Variants in CHRNA6 observed in about 807,000 individuals in gnomAD.
The protein encoded by CHRNA6 is neuronal acetylcholine receptor subunit alpha-6.
CHRNA6 carries 31 observed loss-of-function variants against 40.9 expected under a neutral mutation model. The ratio of observed to expected loss-of-function variants is 0.76; its 90% CI spans 0.57 to 1.02. The LOEUF (loss-of-function observed/expected upper bound fraction) is 1.02. Among genes scored for constraint, CHRNA6 ranks in the 50% least tolerant of loss-of-function variants. The pLI is 0.00. For synonymous variants in CHRNA6, 222 were observed against 221.3 expected, an observed-to-expected ratio of 1.00 and a Z score of -0.03; for missense variants, 546 against 596.6, an observed-to-expected ratio of 0.92 and a Z score of 0.88.
At chr8:42,759,006 G>T in intron 3 of CHRNA6, 63 bp downstream of exon 3, 3 of 1,201,502 alleles carry the variant, frequency 2.5e-6, no homozygotes, top group Non-Finnish European at 2.5e-6. Flanking sequence ...GATGGAACAA[G>T]GTAGTGCTTG....
At chr8:42,753,335 G>C in intron 5 of CHRNA6, 25 bp from the exon 6 acceptor site, 1 of 1,592,984 alleles carries the variant, frequency 6.3e-7, no homozygotes, top group Admixed American at 1.9e-5. Context: ...AAAATTAAGA[G>C]CTGTTTTAAA....
chr8:42,766,116 G>A lies in CHRNA6; in HGVS notation c.80-912C>T, dbSNP rs1816972190. 1.3e-5 allele frequency among the ~76,000 whole-genome samples: 2 copies of A among 152,192 alleles called. 1 individual carries two copies. The highest frequency in any genetic ancestry group is 1.3e-4 in the Admixed American group (2 of 15,280). On this transcript the variant is annotated intron_variant, in intron 1 of 5. Transcript: ENST00000276410. The stretch of plus-strand genomic sequence containing the variant: ...CATTCTATTATAAAGATACATGCAT[G>A]CGTATGTTCACTGCAGCACTATTCA...
At chr8:42,760,285 A>C (rs1816883157) in intron 2 of CHRNA6, among the ~76,000 whole-genome samples, 1 of 151,616 alleles carries the variant, frequency 6.6e-6, no homozygotes, top group Non-Finnish European at 1.5e-5. Flanking sequence ...ATTCATACAC[A>C]CATGCATATA....
At chr8:42,762,325 C>T (rs1164704904) in intron 2 of CHRNA6, among the ~76,000 whole-genome samples, 2 of 152,204 alleles carry the variant, frequency 1.3e-5, no homozygotes, top group African/African-American at 4.8e-5. Context: ...CTGGAATCAG[C>T]TCAAATGTCC....
rs1035795493 is a variant in CHRNA6, at chr8:42,754,419, C to T, written c.1354-1109G>A. Among the ~76,000 whole-genome samples, 8 of 152,128 alleles carry T rather than the reference C, an allele frequency of 5.3e-5. 1 individual carries two copies. Among genetic ancestry groups the T allele is most frequent in the South Asian group, 4.1e-4 (2 of 4,828 alleles). Reference sequence around the variant, plus strand: ...TCCTGGCCTTACTTAAACAATTCTCCCGTCTTGGCCTCCGAAAGTGCTGCA... The same window carrying T: ...TCCTGGCCTTACTTAAACAATTCTCTCGTCTTGGCCTCCGAAAGTGCTGCA... On this transcript the variant is annotated intron_variant, in intron 5 of 5. Transcript: ENST00000276410.
chr8:42,759,408 G>GT (rs1816862280), intron 2 of CHRNA6: 1 of 298,726 alleles, frequency 3.3e-6, no homozygotes, highest in East Asian at 6.1e-5. Flanking sequence ...AAGGTTTCTA[G>GT]TTCCATGAAA....
Position 42,756,787 on chromosome 8 carries a change from C to A in CHRNA6, c.412G>T (p.Ala138Ser). Reference sequence around the variant, plus strand: ...ATCATGCCATTGTATTTAAGAAGAGCTTTTGTTTTGCCTTCTACTTGGAAG... The same window carrying A: ...ATCATGCCATTGTATTTAAGAAGAGATTTTGTTTTGCCTTCTACTTGGAAG... ...GDFQVEGKTK[A>S]LLKYNGMITW... is the part of the protein sequence containing the mutation. The change falls in exon 5 of 6, where the codon GCT becomes TCT. Residue 138 changes from alanine (A) to serine (S), a missense_variant. Ala to Ser is a moderately conservative substitution (Grantham distance 99). This residue lies in a region of CHRNA6 where 476 missense variants were observed against 494.5 expected (regional missense o/e 0.96). Coordinates refer to ENST00000276410, the MANE Select transcript of CHRNA6 (RefSeq NM_004198.3). 1 of 1,608,170 alleles carries A rather than the reference C, an allele frequency of 6.2e-7. No individual in the cohort carries two copies. Among genetic ancestry groups the A allele is most frequent in the Non-Finnish European group, 8.5e-7 (1 of 1,178,592 alleles).
At chr8:42,761,666 ACT>A (rs1816906879) in intron 2 of CHRNA6, among the ~76,000 whole-genome samples, 1 of 151,816 alleles carries the variant, frequency 6.6e-6, no homozygotes, top group African/African-American at 2.4e-5. Flanking sequence ...GGCAAGTCAT[ACT>A]CTCTCTCCAT....
chr8:42,756,402 G>A lies in CHRNA6; in HGVS notation c.797C>T (p.Ser266Leu), dbSNP rs201295503. 1.4e-5 allele frequency: 23 copies of A among 1,614,192 alleles called. No homozygotes were observed. Among genetic ancestry groups the A allele is most frequent in the South Asian group, 1.1e-4 (10 of 91,086 alleles). The change falls in exon 5 of 6, where the codon TCG becomes TTG. Residue 266 changes from serine to leucine, a missense_variant. This residue lies in a region of CHRNA6 where 476 missense variants were observed against 494.5 expected (regional missense o/e 0.96). Transcript: ENST00000276410. ...AAGCGTCACTTTTTCACCACAGTCC[G>A]AAGGAAGGTAAAAGACCAACACGGT... ...FLTVLVFYLP[S>L]DCGEKVTLCI... is the part of the protein sequence containing the mutation.
rs1277790168 is a variant in CHRNA6, at chr8:42,756,934, T to C, written c.368A>G (p.Tyr123Cys). Residue 123 changes from tyrosine (Y) to cysteine (C), a missense_variant, in exon 4 of 6, where the codon TAT becomes TGT. Coordinates refer to ENST00000276410, the MANE Select transcript of CHRNA6 (RefSeq NM_004198.3). ...DKIWKPDIVL[Y>C]NNAVGDFQVE... Reference sequence around the variant, plus strand: ...GGTGGTCAGAGACCCATACTTGTTATAGAGAACAATGTCGGGCTTCCAAAT... The same window carrying C: ...GGTGGTCAGAGACCCATACTTGTTACAGAGAACAATGTCGGGCTTCCAAAT... 5.6e-6 allele frequency: 9 copies of C among 1,613,428 alleles called. No individual in the cohort carries two copies. In the Admixed American group the frequency reaches 6.7e-5, roughly 12 times the overall value.
Position 42,757,015 on chromosome 8 carries a change from C to A in CHRNA6, c.287G>T (p.Arg96Leu), listed in dbSNP as rs188620180. 74 of 1,611,908 alleles carry A rather than the reference C, an allele frequency of 4.6e-5. No homozygotes were observed. The highest frequency in any genetic ancestry group is 1.7e-4 in the Admixed American group (10 of 59,960). Residue 96 changes from arginine to leucine, a missense_variant, in exon 4 of 6, where the codon CGC becomes CTC. By Grantham distance (102) the Arg-to-Leu change is moderately radical. Transcript: ENST00000276410. Reference sequence around the variant, plus strand: ...GCCATCATATTCCATTGGATCCCAGCGCAATTTATAATCATTCCAGATCTA... The same window carrying A: ...GCCATCATATTCCATTGGATCCCAGAGCAATTTATAATCATTCCAGATCTA... ...LRHIWNDYKL[R>L]WDPMEYDGIE...
chr8:42,756,216 T>C lies in CHRNA6; in HGVS notation c.983A>G (p.His328Arg). 1 of 1,614,212 alleles carries C rather than the reference T, an allele frequency of 6.2e-7. No individual in the cohort carries two copies. The highest frequency in any genetic ancestry group is 8.5e-7 in the Non-Finnish European group (1 of 1,180,044). ...IVVTVFVLNI[H>R]YRTPTTHTMP... ...TGTGTGCGTGGTTGGGGTGCGGTAG[T>C]GTATGTTCAACACAAACACAGTCAC... is the stretch of plus-strand genomic sequence containing the variant. The change falls in exon 5 of 6, where the codon CAC (histidine) becomes CGC (arginine). Residue 328 changes from histidine (H) to arginine (R), a missense_variant. This residue lies in a region of CHRNA6 where 476 missense variants were observed against 494.5 expected (regional missense o/e 0.96). Transcript: ENST00000276410.
chr8:42,765,610 C>G (rs904904195), intron 1 of CHRNA6, among the ~76,000 whole-genome samples: 2 of 152,194 alleles, frequency 1.3e-5, no homozygotes, highest in East Asian at 3.8e-4. Flanking sequence ...AAATCCTGTC[C>G]TTTCTTGTCT....
At position 42,756,614 on chromosome 8, in the gene CHRNA6, C is replaced by G; in HGVS notation, c.585G>C (p.Val195=). Residue 195 remains valine (V), a synonymous_variant, in exon 5 of 6, where the codon GTG becomes GTC. Transcript: ENST00000276410. ...TGTTTTCCCAAAAATCATTCATATC[C>G]ACTTTTGATCCAATGATTAGAAGAT... ...EIDLLIIGSK[V]DMNDFWENSE... is the part of the protein sequence containing the mutation. 6.2e-7 allele frequency: 1 copy of G among 1,614,064 alleles called. No individual in the cohort carries two copies. Among genetic ancestry groups the G allele is most frequent in the East Asian group, 2.2e-5 (1 of 44,880 alleles).
chr8:42,759,895 C>CAA (rs796621742), intron 2 of CHRNA6, among the ~76,000 whole-genome samples: 1 of 99,422 alleles, frequency 1.0e-5, no homozygotes, highest in Non-Finnish European at 2.2e-5. Flanking sequence ...GACTCCATCT[C>CAA]AAAAAAAAAA....
At chr8:42,766,078 A>G (rs1394179097) in intron 1 of CHRNA6, among the ~76,000 whole-genome samples, 8 of 152,236 alleles carry the variant, frequency 5.3e-5, no homozygotes, top group African/African-American at 7.2e-5. Flanking sequence ...TATATACCCA[A>G]AGGAATATAA....
intron 2 of CHRNA6, among the ~76,000 whole-genome samples, chr8:42,762,449 G>A (rs1816917847): frequency 6.6e-6 from 1 of 152,134 alleles, no homozygotes; most frequent in Admixed American, 6.5e-5. Flanking sequence ...AGGAGTTCGA[G>A]ACCAGCCTGG....
At chr8:42,767,629 C>G (rs1238118654) in intron 1 of CHRNA6, among the ~76,000 whole-genome samples, 1 of 152,172 alleles carries the variant, frequency 6.6e-6, no homozygotes, top group Non-Finnish European at 1.5e-5. Context: ...CACTGAGACA[C>G]TAGAGTTTTA....
chr8:42,763,776 A>G (rs1228407972), intron 2 of CHRNA6, among the ~76,000 whole-genome samples: 1 of 152,196 alleles, frequency 6.6e-6, no homozygotes, highest in African/African-American at 2.4e-5. Context: ...TTTTTCAGCC[A>G]GTGCATGCAC....
Sources: allele counts gnomAD v4.1 joint callset (sites outside exome capture counted in the v4.1 genomes callset), GRCh38; gene constraint gnomAD v4.1.1; regional missense constraint gnomAD v4.1.1; transcripts MANE v1.5; gene names NCBI Gene and HGNC (gene_info 2026-07-23, HGNC 2026-07-21).